Variants in GRIN2A observed in about 807,000 individuals in gnomAD.
GRIN2A encodes the protein glutamate ionotropic receptor NMDA type subunit 2A, also known as glutamate receptor ionotropic, NMDA 2A.
In GRIN2A, 22 loss-of-function variants were observed where a neutral mutation model predicts 113.4. The ratio of observed to expected loss-of-function variants is 0.19; its 90% CI spans 0.14 to 0.28. The LOEUF (loss-of-function observed/expected upper bound fraction) is 0.28. Among genes scored for constraint, GRIN2A ranks in the 10% least tolerant of loss-of-function variants. The pLI, the probability that GRIN2A is intolerant of heterozygous loss-of-function variation, is 1.00. For missense variants in GRIN2A, 1,502 were observed against 1,887.0 expected, an observed-to-expected ratio of 0.80 and a Z score of 3.78; for synonymous variants, 827 against 738.4, an observed-to-expected ratio of 1.12 and a Z score of -1.94.
At chr16:9,828,901 G>A (rs950444045) in intron 9 of GRIN2A, among the ~76,000 whole-genome samples, 5 of 152,194 alleles carry the variant, frequency 3.3e-5, no homozygotes, top group Non-Finnish European at 7.3e-5. Flanking sequence ...GACATTTCAG[G>A]TGAGTCAGAA....
intron 2 of GRIN2A, among the ~76,000 whole-genome samples, chr16:10,049,107 A>C (rs1234843199): frequency 1.3e-5 from 2 of 152,212 alleles, no homozygotes; most frequent in Non-Finnish European, 2.9e-5. Flanking sequence ...TCCATACTGA[A>C]ATTACCCTTC....
At chr16:9,800,759 C>T (rs183035016) in intron 10 of GRIN2A, among the ~76,000 whole-genome samples, 45 of 152,184 alleles carry the variant, frequency 3.0e-4, no homozygotes, top group African/African-American at 9.9e-4. Context: ...CAGAAGAGAA[C>T]TGGGCACTGA....
At chr16:9,951,656 A>G (rs2045184745) in intron 2 of GRIN2A, among the ~76,000 whole-genome samples, 1 of 152,230 alleles carries the variant, frequency 6.6e-6, no homozygotes, top group Admixed American at 6.5e-5. Flanking sequence ...GAAAAGGGAG[A>G]GATTTTAACA....
In GRIN2A at chr16:9,917,914, A is replaced by T. The variant is rs13338626; in HGVS notation, c.1007+20045T>A. Among the ~76,000 whole-genome samples the T allele has an allele frequency of 9.4e-3, 1,427 of 152,300 alleles. 20 individuals are homozygous for T. The highest frequency in any genetic ancestry group is 0.033 in the African/African-American group (1,361 of 41,550). The stretch of plus-strand genomic sequence containing the variant: ...ATTCTCAAAAGCCCCAGGGAGTTGG[A>T]ATAATGAAACATACTTAATTAAGCT... On this transcript the variant is annotated intron_variant, in intron 3 of 12. Transcript: ENST00000330684.
chr16:9,766,611 C>A (rs1258206666), intron 12 of GRIN2A, among the ~76,000 whole-genome samples: 1 of 152,188 alleles, frequency 6.6e-6, no homozygotes, highest in African/African-American at 2.4e-5. Flanking sequence ...ATAACATCTG[C>A]CCCTGCCATC....
intron 3 of GRIN2A, among the ~76,000 whole-genome samples, chr16:9,899,209 C>A (rs747799351): frequency 3.0e-4 from 45 of 151,972 alleles, no homozygotes; most frequent in Non-Finnish European, 5.4e-4. Context: ...GATGCCAAGG[C>A]AGGTGGATCA....
At chr16:9,901,365 G>A (rs985995754) in intron 3 of GRIN2A, among the ~76,000 whole-genome samples, 3 of 152,124 alleles carry the variant, frequency 2.0e-5, no homozygotes, top group Non-Finnish European at 2.9e-5. Context: ...AGGAAAGGTC[G>A]GGGGTGATAT....
intron 2 of GRIN2A, among the ~76,000 whole-genome samples, chr16:10,037,826 C>A (rs1414189172): frequency 6.6e-6 from 1 of 152,016 alleles, no homozygotes; most frequent in Non-Finnish European, 1.5e-5. Context: ...GCTATGTTGC[C>A]CAGGCTACTC....
intron 2 of GRIN2A, among the ~76,000 whole-genome samples, chr16:10,065,763 T>C (rs992259587): frequency 1.1e-4 from 16 of 152,164 alleles, no homozygotes; most frequent in African/African-American, 3.6e-4. Context: ...CATTATTTAC[T>C]CCAACCCCAT....
At chr16:9,866,771 C>T (rs1351761060) in intron 4 of GRIN2A, among the ~76,000 whole-genome samples, 1 of 152,194 alleles carries the variant, frequency 6.6e-6, no homozygotes. Flanking sequence ...CATCTCTCCA[C>T]TGACCACCTC....
At chr16:10,078,896 T>A (rs957344270) in intron 2 of GRIN2A, among the ~76,000 whole-genome samples, 12 of 152,230 alleles carry the variant, frequency 7.9e-5, no homozygotes, top group African/African-American at 2.9e-4. Flanking sequence ...CGTCTCTGCA[T>A]TGCAATTGCA....
At chr16:9,954,217 G>A (rs985433324) in intron 2 of GRIN2A, among the ~76,000 whole-genome samples, 2 of 152,144 alleles carry the variant, frequency 1.3e-5, no homozygotes, top group African/African-American at 2.4e-5. Context: ...TACCTTCAAT[G>A]TTGAAGAACA....
At chr16:9,937,651 A>G in intron 3 of GRIN2A, 1 of 392,758 alleles carries the variant, frequency 2.5e-6, no homozygotes. Context: ...ATGAGTTACA[A>G]AAAATATAGA....
At chr16:10,058,754 C>T (rs985907832) in intron 2 of GRIN2A, among the ~76,000 whole-genome samples, 1 of 152,190 alleles carries the variant, frequency 6.6e-6, no homozygotes, top group Non-Finnish European at 1.5e-5. Flanking sequence ...CATTTACTCG[C>T]TCATTCATCC....
chr16:9,868,328 A>T lies in GRIN2A; in HGVS notation c.1123-18367T>A, dbSNP rs2043196988. ...TGTCTCCCACGCTGGATGCAGTGGC[A>T]CTATCTCAGTTCACTGCAACCTCCG... On this transcript the variant is annotated intron_variant, in intron 4 of 12. Coordinates refer to ENST00000330684, the MANE Select transcript of GRIN2A (RefSeq NM_001134407.3). Among the ~76,000 whole-genome samples, 5 of 152,156 alleles carry T rather than the reference A, an allele frequency of 3.3e-5. No individual in the cohort carries two copies. In the South Asian group the frequency reaches 1.0e-3, roughly 32 times the overall value.
At chr16:9,964,210 C>T (rs1333667137) in intron 2 of GRIN2A, among the ~76,000 whole-genome samples, 1 of 152,182 alleles carries the variant, frequency 6.6e-6, no homozygotes, top group Non-Finnish European at 1.5e-5. Context: ...CGTCAAATAT[C>T]CAAATGGAGT....
chr16:10,161,260 A>G (rs1358758754), intron 2 of GRIN2A, among the ~76,000 whole-genome samples: 1 of 152,204 alleles, frequency 6.6e-6, no homozygotes, highest in Non-Finnish European at 1.5e-5. Flanking sequence ...CATATGAAGA[A>G]GTACATGTTG....
At chr16:9,868,554 A>G (rs963662854) in intron 4 of GRIN2A, among the ~76,000 whole-genome samples, 1 of 152,160 alleles carries the variant, frequency 6.6e-6, no homozygotes. Flanking sequence ...GGCATGAGCC[A>G]CCGTGCCTAG....
At chr16:10,177,820 G>A (rs1436130433) in intron 2 of GRIN2A, among the ~76,000 whole-genome samples, 1 of 152,174 alleles carries the variant, frequency 6.6e-6, no homozygotes, top group Admixed American at 6.5e-5. Flanking sequence ...CTAGCAGGCA[G>A]GGTCACTGCC....
Sources: allele counts gnomAD v4.1 joint callset (sites outside exome capture counted in the v4.1 genomes callset), GRCh38; gene constraint gnomAD v4.1.1; transcripts MANE v1.5; gene names NCBI Gene and HGNC (gene_info 2026-07-23, HGNC 2026-07-21).